Variants in TRPC4AP observed in about 807,000 individuals in gnomAD.
The protein encoded by TRPC4AP is short transient receptor potential channel 4-associated protein.
TRPC4AP carries 45 observed loss-of-function variants against 99.0 expected under a neutral mutation model. That is an observed-to-expected ratio of 0.45 (90% CI 0.36 to 0.58). TRPC4AP has a LOEUF of 0.58. Ranked by LOEUF, TRPC4AP falls within the 20% of genes least tolerant of loss-of-function variation. The pLI, the probability that TRPC4AP is intolerant of heterozygous loss-of-function variation, is 0.00. For synonymous variants in TRPC4AP, 408 were observed against 385.8 expected (o/e 1.06, Z -0.67); for missense variants, 879 against 985.3 (o/e 0.89, Z 1.44).
chr20:35,024,277 C>G (rs1471940194), intron 8 of TRPC4AP, among the ~76,000 whole-genome samples: 1 of 152,132 alleles, frequency 6.6e-6, no homozygotes, highest in African/African-American at 2.4e-5. Context: ...TCATCACCCC[C>G]CAAAAGCAGC....
chr20:35,037,163 G>A (rs527408862), intron 7 of TRPC4AP, among the ~76,000 whole-genome samples: 1 of 151,964 alleles, frequency 6.6e-6, no homozygotes, highest in African/African-American at 2.4e-5. Context: ...TGGCTAACAC[G>A]GTGAAACCCC....
chr20:35,043,775 G>A (rs2083495348), intron 7 of TRPC4AP, among the ~76,000 whole-genome samples: 1 of 152,110 alleles, frequency 6.6e-6, no homozygotes, highest in Non-Finnish European at 1.5e-5. Context: ...ATACGAATGT[G>A]GTCTCTCTCT....
chr20:35,074,388 C>G (rs960262055), intron 2 of TRPC4AP, among the ~76,000 whole-genome samples: 12 of 152,146 alleles, frequency 7.9e-5, no homozygotes, highest in African/African-American at 2.9e-4. Flanking sequence ...ATCTTTCCGG[C>G]TTTCTCTTGT....
At chr20:35,086,537 G>GTATATATATATT in intron 1 of TRPC4AP, among the ~76,000 whole-genome samples, 1 of 65,032 alleles carries the variant, frequency 1.5e-5, no homozygotes, top group South Asian at 4.9e-4. Context: ...GTGTGTGTGT[G>GTATATATATATT]TGTGTGTGTG....
At chr20:35,045,190 T>C (rs1360688734) in intron 6 of TRPC4AP, among the ~76,000 whole-genome samples, 1 of 152,218 alleles carries the variant, frequency 6.6e-6, no homozygotes, top group Admixed American at 6.5e-5. Flanking sequence ...TCTGTGTTTA[T>C]TATTCCCGTG....
At position 35,086,565 on chromosome 20, in the gene TRPC4AP, GTGTGTGTGTGTATA is replaced by G. The variant is rs1376652204; in HGVS notation, c.168+6035_168+6048del. 3.1e-4 allele frequency among the ~76,000 whole-genome samples: 33 copies of G among 105,408 alleles called. 2 individuals carry two copies. The highest frequency in any genetic ancestry group is 6.4e-4 in the African/African-American group (16 of 24,914). 69.2% of individuals were successfully genotyped at this position (105,408 alleles called of 152,430 possible). On this transcript the variant is annotated intron_variant, in intron 1 of 18. Coordinates refer to ENST00000252015, the MANE Select transcript of TRPC4AP (RefSeq NM_015638.3). ...TGTGTGTGTGTGTGTGTGTGTGTGT[GTGTGTGTGTGTATA>G]TATATATGAATAAGACTTTATCCTA...
chr20:35,068,000 T>G (rs1294906134), intron 3 of TRPC4AP, among the ~76,000 whole-genome samples: 1 of 152,120 alleles, frequency 6.6e-6, no homozygotes, highest in East Asian at 1.9e-4. Context: ...ATGGGTGAAA[T>G]GTATGGTATA....
At chr20:35,011,965 T>C (rs969850320) in intron 11 of TRPC4AP, among the ~76,000 whole-genome samples, 1 of 152,370 alleles carries the variant, frequency 6.6e-6, no homozygotes, top group South Asian at 2.1e-4. Context: ...GATGAACAAC[T>C]GTCTCTGTTT....
chr20:35,033,659 G>A (rs2083252901), intron 8 of TRPC4AP, among the ~76,000 whole-genome samples: 1 of 152,102 alleles, frequency 6.6e-6, no homozygotes, highest in Non-Finnish European at 1.5e-5. Context: ...GTTCTCTGGT[G>A]AACTAGCTGG....
intron 2 of TRPC4AP, among the ~76,000 whole-genome samples, chr20:35,073,485 G>C (rs142771632): frequency 6.6e-6 from 1 of 152,190 alleles, no homozygotes; most frequent in Non-Finnish European, 1.5e-5. Context: ...TTTTCAGCAT[G>C]AAGGGCTGTT....
intron 3 of TRPC4AP, among the ~76,000 whole-genome samples, chr20:35,058,242 C>T (rs1214250044): frequency 6.6e-6 from 1 of 152,178 alleles, no homozygotes; most frequent in African/African-American, 2.4e-5. Context: ...ACTCTGCTTT[C>T]AATAATAGAC....
intron 1 of TRPC4AP, among the ~76,000 whole-genome samples, chr20:35,092,032 A>C (rs917543207): frequency 6.6e-6 from 1 of 152,200 alleles, no homozygotes; most frequent in African/African-American, 2.4e-5. Flanking sequence ...AACTCAGCCT[A>C]ATGTGGGAGA....
At chr20:35,057,013 A>G (rs1044926388) in intron 4 of TRPC4AP, among the ~76,000 whole-genome samples, 2 of 150,460 alleles carry the variant, frequency 1.3e-5, no homozygotes, top group African/African-American at 2.4e-5. Flanking sequence ...ATACCTAAAA[A>G]GAATTATTTG....
chr20:35,079,559 C>CA (rs1356728868), intron 1 of TRPC4AP, among the ~76,000 whole-genome samples: 1 of 151,434 alleles, frequency 6.6e-6, no homozygotes, highest in Admixed American at 6.6e-5. Context: ...AAATTGAAAA[C>CA]AAAAAATCAA....
intron 12 of TRPC4AP, among the ~76,000 whole-genome samples, chr20:35,009,478 CA>C (rs11482143): frequency 5.3e-5 from 8 of 150,678 alleles, no homozygotes; most frequent in African/African-American, 1.7e-4. Flanking sequence ...CCCATCTCTA[CA>C]AAAAAAAAGT....
chr20:35,036,011 A>G (rs1378882021), intron 7 of TRPC4AP, among the ~76,000 whole-genome samples: 1 of 152,182 alleles, frequency 6.6e-6, no homozygotes, highest in African/African-American at 2.4e-5. Flanking sequence ...TTCCTGTAAC[A>G]TTTACTAGCA....
chr20:35,003,314 C>CT, intron 18 of TRPC4AP, 31 bp from the exon 19 acceptor site: 1 of 1,613,806 alleles, frequency 6.2e-7, no homozygotes, highest in Non-Finnish European at 8.5e-7. Flanking sequence ...TGGGGGGCGC[C>CT]TGGAGGACCC....
Position 35,057,508 on chromosome 20 carries a change from A to G in TRPC4AP, c.472+6T>C, listed in dbSNP as rs1280803273. On this transcript the variant is annotated splice_donor_region_variant and intron_variant, in intron 4 of 18. Coordinates refer to ENST00000252015, the MANE Select transcript of TRPC4AP (RefSeq NM_015638.3). ...ACAAGGACCAGTAGCTAATAGGTATACTTACTTTTCAGTTTCTGTCCCCGG... is the reference window on the plus strand; with the variant it reads ...ACAAGGACCAGTAGCTAATAGGTATGCTTACTTTTCAGTTTCTGTCCCCGG... 1 of 1,610,316 alleles carries G rather than the reference A, an allele frequency of 6.2e-7. No homozygotes were observed. The highest frequency in any genetic ancestry group is 1.7e-5 in the Admixed American group (1 of 59,814).
At chr20:35,068,257 A>C (rs2084196259) in intron 3 of TRPC4AP, among the ~76,000 whole-genome samples, 1 of 152,202 alleles carries the variant, frequency 6.6e-6, no homozygotes, top group Non-Finnish European at 1.5e-5. Flanking sequence ...ACATAAACAC[A>C]GTATGTTGGT....
Sources: gnomAD v4.1 joint callset for allele counts (sites outside exome capture counted in the v4.1 genomes callset) on GRCh38, gnomAD v4.1.1 for gene constraint, MANE v1.5 for transcripts, NCBI Gene and HGNC (gene_info 2026-07-23, HGNC 2026-07-21) for gene names.